The following EYS variants were observed in gnomAD, a reference collection of about 807,000 sequenced individuals.
EYS encodes the protein EGF-like photoreceptor maintenance factor.
A neutral mutation model predicts 282.1 loss-of-function variants in EYS; 250 were observed. The ratio of observed to expected loss-of-function variants is 0.89; its 90% CI spans 0.80 to 0.98. The LOEUF (loss-of-function observed/expected upper bound fraction) is 0.98, where lower values mean the gene tolerates loss of function less well. Among genes scored for constraint, EYS ranks in the 50% least tolerant of loss-of-function variants. The probability of loss-of-function intolerance (pLI) is 0.00; values close to 1 mark genes in which losing one functional copy is unlikely to be tolerated. For synonymous variants in EYS, 1,355 were observed against 1,282.9 expected, an observed-to-expected ratio of 1.06 and a Z score of -1.20; for missense variants, 4,016 against 3,709.0, an observed-to-expected ratio of 1.08 and a Z score of -2.15.
chr6:65,301,205 T>G (rs1217243664), intron 11 of EYS, among the ~76,000 whole-genome samples: 1 of 152,172 alleles, frequency 6.6e-6, no homozygotes, highest in Non-Finnish European at 1.5e-5. Flanking sequence ...ATTGAAAGTC[T>G]AGATTTTGGG....
chr6:65,479,496 C>A (rs1389135880), intron 5 of EYS, among the ~76,000 whole-genome samples: 3 of 151,868 alleles, frequency 2.0e-5, no homozygotes, highest in South Asian at 2.1e-4. Context: ...AAAAATAGAC[C>A]AATAGAATAG....
intron 11 of EYS, chr6:65,332,190 G>A (rs1457675313): frequency 5.9e-6 from 3 of 511,098 alleles, no homozygotes; most frequent in African/African-American, 5.8e-5. Context: ...TTTGTTGAGT[G>A]TTTGTTTCAT....
At chr6:65,346,942 TC>T (rs1413806236) in intron 9 of EYS, among the ~76,000 whole-genome samples, 1 of 151,880 alleles carries the variant, frequency 6.6e-6, no homozygotes, top group Non-Finnish European at 1.5e-5. Flanking sequence ...CTAGATGAGT[TC>T]TACATTCATT....
chr6:64,959,045 A>AC (rs1361030284), intron 14 of EYS, among the ~76,000 whole-genome samples: 1 of 152,192 alleles, frequency 6.6e-6, no homozygotes, highest in Non-Finnish European at 1.5e-5. Flanking sequence ...TGGCTGATAG[A>AC]CTACCTGCTT....
intron 12 of EYS, among the ~76,000 whole-genome samples, chr6:65,237,466 A>G (rs1766957029): frequency 6.6e-6 from 1 of 152,156 alleles, no homozygotes; most frequent in Non-Finnish European, 1.5e-5. Context: ...CTAAAAGGAG[A>G]GGGATTTGTG....
intron 22 of EYS, among the ~76,000 whole-genome samples, chr6:64,669,132 T>G (rs1420252525): frequency 1.3e-5 from 2 of 152,164 alleles, no homozygotes; most frequent in East Asian, 1.9e-4. Context: ...GAAAACAAGT[T>G]GGCTTATTTC....
chr6:64,731,242 C>A (rs1215169904), intron 22 of EYS, among the ~76,000 whole-genome samples: 1 of 152,006 alleles, frequency 6.6e-6, no homozygotes, highest in Non-Finnish European at 1.5e-5. Context: ...GACTAAAACA[C>A]CAAAAGCAAT....
At chr6:65,400,095 T>C (rs1293209828) in intron 7 of EYS, among the ~76,000 whole-genome samples, 1 of 151,900 alleles carries the variant, frequency 6.6e-6, no homozygotes. Context: ...ATTTACCTGC[T>C]AGGGCCAAAC....
chr6:64,675,788 C>A (rs1769639820), intron 22 of EYS, among the ~76,000 whole-genome samples: 2 of 151,814 alleles, frequency 1.3e-5, no homozygotes, highest in Admixed American at 1.3e-4. Flanking sequence ...CTTTCTCTAC[C>A]TATCCTGTAA....
intron 31 of EYS, among the ~76,000 whole-genome samples, chr6:64,226,895 A>AT (rs1766268069): frequency 6.6e-6 from 1 of 152,130 alleles, no homozygotes; most frequent in Non-Finnish European, 1.5e-5. Flanking sequence ...ATCTAGTGCT[A>AT]TTTTAGTTAA....
At chr6:63,969,636 A>G (rs1007279288) in intron 35 of EYS, among the ~76,000 whole-genome samples, 3 of 152,232 alleles carry the variant, frequency 2.0e-5, no homozygotes, top group Non-Finnish European at 1.5e-5. Flanking sequence ...AGATTTGAAG[A>G]TCAACGATAA....
intron 11 of EYS, among the ~76,000 whole-genome samples, chr6:65,324,702 G>A (rs1183102846): frequency 6.6e-6 from 1 of 152,160 alleles, no homozygotes; most frequent in Non-Finnish European, 1.5e-5. Context: ...TAAGTAACCT[G>A]GACTTTGGAT....
intron 22 of EYS, among the ~76,000 whole-genome samples, chr6:64,776,398 C>A (rs995914354): frequency 6.6e-6 from 1 of 152,080 alleles, no homozygotes; most frequent in South Asian, 2.1e-4. Context: ...TAACACCAGA[C>A]AAAGATTTTT....
At position 65,611,178 on chromosome 6, in the gene EYS, GA is replaced by G. The variant is rs200048825; in HGVS notation, c.-333+28599del. ...ACCGTGTGGGTATAATTAGAATATT[GA>G]AAAAAAAAAAGCTTCCTTTCTTCTT... On this transcript the variant is annotated intron_variant, in intron 2 of 42. Transcript: ENST00000503581. Among the ~76,000 whole-genome samples the G allele has an allele frequency of 4.1e-3, 598 of 144,388 alleles. 5 individuals carry two copies. The highest frequency in any genetic ancestry group is 0.015 in the African/African-American group (563 of 38,794). 94.7% of individuals were successfully genotyped at this position (144,388 alleles called of 152,430 possible).
chr6:65,055,797 A>G (rs975314326), intron 13 of EYS, among the ~76,000 whole-genome samples: 1 of 152,094 alleles, frequency 6.6e-6, no homozygotes, highest in African/African-American at 2.4e-5. Context: ...TCATCATTTC[A>G]TATCAAAAGT....
chr6:65,242,364 A>T (rs1490463006), intron 12 of EYS, among the ~76,000 whole-genome samples: 1 of 152,036 alleles, frequency 6.6e-6, no homozygotes, highest in African/African-American at 2.4e-5. Flanking sequence ...ATTTCTTATA[A>T]ATGGTAATGA....
intron 22 of EYS, among the ~76,000 whole-genome samples, chr6:64,799,565 T>C (rs1405519164): frequency 1.3e-5 from 2 of 151,580 alleles, no homozygotes; most frequent in South Asian, 4.2e-4. Flanking sequence ...ATTAAGTAAA[T>C]AGTTAATTTA....
chr6:64,133,411 C>T (rs917140228), intron 31 of EYS, among the ~76,000 whole-genome samples: 4 of 151,630 alleles, frequency 2.6e-5, no homozygotes, highest in Admixed American at 6.6e-5. Context: ...TTTTGTTACA[C>T]TAAGCTTGGC....
intron 31 of EYS, among the ~76,000 whole-genome samples, chr6:64,130,679 G>A (rs1773946012): frequency 6.6e-6 from 1 of 151,928 alleles, no homozygotes; most frequent in African/African-American, 2.4e-5. Flanking sequence ...CGAACAAAGA[G>A]GGGAGAAGGA....
Sources: allele counts gnomAD v4.1 joint callset (sites outside exome capture counted in the v4.1 genomes callset), GRCh38; gene constraint gnomAD v4.1.1; transcripts MANE v1.5; gene names NCBI Gene and HGNC (gene_info 2026-07-23, HGNC 2026-07-21).